Variants in BCKDHB observed in about 807,000 individuals in gnomAD.
The protein encoded by BCKDHB is branched chain keto acid dehydrogenase E1 subunit beta.
A neutral mutation model predicts 48.5 loss-of-function variants in BCKDHB; 41 were observed. The observed-to-expected ratio is 0.85, with a 90% CI of 0.66 to 1.10. The LOEUF (loss-of-function observed/expected upper bound fraction) is 1.10. Among genes scored for constraint, BCKDHB ranks in the 50% least tolerant of loss-of-function variants. The pLI, the probability that BCKDHB is intolerant of heterozygous loss-of-function variation, is 0.00. For missense variants in BCKDHB, 496 were observed against 494.2 expected, an observed-to-expected ratio of 1.00 and a Z score of -0.03; for synonymous variants, 201 against 174.8, an observed-to-expected ratio of 1.15 and a Z score of -1.18.
At chr6:80,270,916 CAT>C (rs926541670) in intron 8 of BCKDHB, among the ~76,000 whole-genome samples, 1 of 152,052 alleles carries the variant, frequency 6.6e-6, no homozygotes, top group Non-Finnish European at 1.5e-5. Flanking sequence ...TACAAAATAA[CAT>C]GTATTTTTAA....
At chr6:80,431,084 A>T in the BCKDHB span, among the ~76,000 whole-genome samples, 5 of 152,172 alleles carry the variant, frequency 3.3e-5, no homozygotes, top group African/African-American at 1.2e-4. Context: ...TTTACCCAGT[A>T]GTCATTCAGG....
chr6:80,326,739 T>G (rs1395770550), intron 9 of BCKDHB, among the ~76,000 whole-genome samples: 1 of 152,074 alleles, frequency 6.6e-6, no homozygotes, highest in Non-Finnish European at 1.5e-5. Flanking sequence ...AATACAAAAG[T>G]TAGCAGGGCA....
chr6:80,293,801 C>T (rs539346061), intron 9 of BCKDHB, among the ~76,000 whole-genome samples: 85 of 152,282 alleles, frequency 5.6e-4, no homozygotes, highest in Middle Eastern at 3.4e-3. Flanking sequence ...TTTCTTCCAC[C>T]AGATACCCTA....
chr6:80,344,095 C>A lies in BCKDHB; in HGVS notation c.*291C>A. ...AGCTCACTGCAACCTCCCCCCTACC[C>A]CTGAGTTCAAGCGATTCTCCTGCCT... On this transcript the variant is annotated 3_prime_UTR_variant, in exon 10 of 10. Coordinates refer to ENST00000320393, the MANE Select transcript of BCKDHB (RefSeq NM_183050.4). 3 of 414,676 alleles carry A rather than the reference C, an allele frequency of 7.2e-6. No homozygotes were observed. The highest frequency in any genetic ancestry group is 4.4e-5 in the South Asian group (2 of 45,920). 25.7% of individuals were successfully genotyped at this position (414,676 alleles called of 1,614,324 possible). A position where few individuals can be genotyped will look rare whatever the true frequency, so the allele number is the denominator to read the frequency against.
rs564881389 is a variant in BCKDHB, at chr6:80,114,031, T to C, written c.196+7142T>C. On this transcript the variant is annotated intron_variant, in intron 1 of 9. Transcript: ENST00000320393. ...TCAATCAAAGGTACTTCGAATTTTT[T>C]CATCTGCCACGCAGAAAAGGGGCAG... 2.0e-5 allele frequency among the ~76,000 whole-genome samples: 3 copies of C among 152,218 alleles called. No individual in the cohort carries two copies. The South Asian group carries it at 6.2e-4, about 32-fold the overall frequency.
In BCKDHB at chr6:80,249,422, TA is replaced by T. The variant is rs200152039; in HGVS notation, c.952-23703del. On this transcript the variant is annotated intron_variant, in intron 8 of 9. Coordinates refer to ENST00000320393, the MANE Select transcript of BCKDHB (RefSeq NM_183050.4). ...AGGATCAATTGAGTAATTTTACCATTAAAAAAAAAATCATTTGCTGCACATA... is the reference window on the plus strand; with the variant it reads ...AGGATCAATTGAGTAATTTTACCATTAAAAAAAAATCATTTGCTGCACATA... Among the ~76,000 whole-genome samples the T allele has an allele frequency of 7.4e-3, 1,106 of 149,296 alleles. 12 individuals carry two copies. The highest frequency in any genetic ancestry group is 0.02 in the African/African-American group (801 of 40,938).
chr6:80,445,996 G>A, the BCKDHB span, among the ~76,000 whole-genome samples: 1 of 152,128 alleles, frequency 6.6e-6, no homozygotes, highest in Non-Finnish European at 1.5e-5. Context: ...CAGGAAACAG[G>A]GAGCAGTACA....
At chr6:80,455,951 G>A in the BCKDHB span, among the ~76,000 whole-genome samples, 1 of 152,150 alleles carries the variant, frequency 6.6e-6, no homozygotes, top group East Asian at 1.9e-4. Flanking sequence ...TTCGCTGGGC[G>A]CGGTGGCTCA....
chr6:80,429,817 C>T, the BCKDHB span, among the ~76,000 whole-genome samples: 1 of 152,176 alleles, frequency 6.6e-6, no homozygotes, highest in East Asian at 1.9e-4. Flanking sequence ...CAAACAGAGA[C>T]AATTTGACTT....
chr6:80,152,044 A>G (rs756719333), intron 3 of BCKDHB, among the ~76,000 whole-genome samples: 1 of 152,198 alleles, frequency 6.6e-6, no homozygotes, highest in Non-Finnish European at 1.5e-5. Flanking sequence ...CCTTAAATTG[A>G]AGCTGGTATC....
chr6:80,313,028 G>A (rs1768246255), intron 9 of BCKDHB, among the ~76,000 whole-genome samples: 1 of 152,122 alleles, frequency 6.6e-6, no homozygotes, highest in Non-Finnish European at 1.5e-5. Context: ...TGTAGCACTG[G>A]TAGAAATCAG....
At chr6:80,391,678 A>G in the BCKDHB span, among the ~76,000 whole-genome samples, 3 of 152,286 alleles carry the variant, frequency 2.0e-5, no homozygotes, top group East Asian at 5.8e-4. Flanking sequence ...AATTTGTTAC[A>G]GCATTCCTAG....
At chr6:80,164,064 A>G (rs1772453378) in intron 3 of BCKDHB, among the ~76,000 whole-genome samples, 2 of 152,188 alleles carry the variant, frequency 1.3e-5, no homozygotes, top group Non-Finnish European at 1.5e-5. Flanking sequence ...AGTCAGAAGG[A>G]TCCTGTTGAA....
intron 1 of BCKDHB, among the ~76,000 whole-genome samples, chr6:80,116,631 A>G (rs1225980606): frequency 6.6e-6 from 1 of 152,216 alleles, no homozygotes; most frequent in Non-Finnish European, 1.5e-5. Flanking sequence ...TAAACAACTC[A>G]ATGCCAGCCA....
intron 6 of BCKDHB, among the ~76,000 whole-genome samples, chr6:80,176,924 A>G (rs992202990): frequency 6.6e-6 from 1 of 152,190 alleles, no homozygotes; most frequent in African/African-American, 2.4e-5. Flanking sequence ...AAACTATTTT[A>G]TAAGAAATGC....
the BCKDHB span, among the ~76,000 whole-genome samples, chr6:80,359,290 G>A: frequency 2.6e-5 from 4 of 152,166 alleles, no homozygotes; most frequent in African/African-American, 7.2e-5. Flanking sequence ...GGGAATCTTT[G>A]GGCTCTCTTC....
intron 3 of BCKDHB, among the ~76,000 whole-genome samples, chr6:80,132,234 C>G (rs1010829917): frequency 3.9e-5 from 6 of 151,950 alleles, no homozygotes; most frequent in Non-Finnish European, 8.8e-5. Flanking sequence ...TCCGGACCCT[C>G]CAAGCAGACT....
intron 9 of BCKDHB, among the ~76,000 whole-genome samples, chr6:80,309,809 A>G (rs1347056010): frequency 2.6e-5 from 4 of 152,282 alleles, no homozygotes; most frequent in African/African-American, 7.2e-5. Flanking sequence ...CACACAGGTA[A>G]TAAGCATAGT....
At chr6:80,274,203 A>G (rs1777870993) in intron 9 of BCKDHB, among the ~76,000 whole-genome samples, 1 of 152,066 alleles carries the variant, frequency 6.6e-6, no homozygotes, top group Non-Finnish European at 1.5e-5. Context: ...CAAAATTAAA[A>G]TATTTGTAAA....
Sources: gnomAD v4.1 joint callset for allele counts (sites outside exome capture counted in the v4.1 genomes callset) on GRCh38, gnomAD v4.1.1 for gene constraint, MANE v1.5 for transcripts, NCBI Gene and HGNC (gene_info 2026-07-23, HGNC 2026-07-21) for gene names.